QTMAN: variants seen among roughly 807,000 people sequenced by gnomAD.
The protein encoded by QTMAN is tRNA-queuosine alpha-mannosyltransferase.
chr2:144,305,411 A>G, the QTMAN span, among the ~76,000 whole-genome samples: 1 of 152,228 alleles, frequency 6.6e-6, no homozygotes, highest in Non-Finnish European at 1.5e-5. Context: ...ATTGAACATA[A>G]AAGTCAGGGT....
At chr2:144,292,655 T>C in the QTMAN span, among the ~76,000 whole-genome samples, 1 of 152,122 alleles carries the variant, frequency 6.6e-6, no homozygotes. Flanking sequence ...TCCCAAAAAA[T>C]TTATAGAGTC....
chr2:144,040,272 T>A, the QTMAN span, among the ~76,000 whole-genome samples: 4 of 152,130 alleles, frequency 2.6e-5, no homozygotes, highest in Admixed American at 2.6e-4. Context: ...ACGCTTAGCA[T>A]ACAACAAAAC....
At chr2:144,104,566 G>A in the QTMAN span, among the ~76,000 whole-genome samples, 158 of 152,278 alleles carry the variant, frequency 1.0e-3, no homozygotes, top group Non-Finnish European at 1.9e-3. Context: ...GGGGAGGGGC[G>A]CCCACAATTG....
At chr2:144,293,713 C>A in the QTMAN span, among the ~76,000 whole-genome samples, 1 of 152,172 alleles carries the variant, frequency 6.6e-6, no homozygotes. Context: ...CTAATTATCT[C>A]ATATTTTAAA....
chr2:144,271,893 G>A, the QTMAN span, among the ~76,000 whole-genome samples: 1 of 152,184 alleles, frequency 6.6e-6, no homozygotes, highest in Non-Finnish European at 1.5e-5. Flanking sequence ...TGAAAGAGAA[G>A]TCTAAAAAAC....
the QTMAN span, chr2:144,319,943 T>C: frequency 6.6e-6 from 1 of 152,362 alleles, no homozygotes; most frequent in Non-Finnish European, 1.5e-5. Flanking sequence ...GCTTTCAGCA[T>C]CATGACTGAT....
chr2:144,094,413 T>C, the QTMAN span, among the ~76,000 whole-genome samples: 1 of 152,228 alleles, frequency 6.6e-6, no homozygotes, highest in Non-Finnish European at 1.5e-5. Context: ...GTTCTCATAC[T>C]GCTACGAAGA....
chr2:144,230,059 T>A, the QTMAN span, among the ~76,000 whole-genome samples: 1 of 152,182 alleles, frequency 6.6e-6, no homozygotes, highest in African/African-American at 2.4e-5. Flanking sequence ...GTTTATAATA[T>A]CATCTCAACT....
At chr2:144,084,882 T>G in the QTMAN span, among the ~76,000 whole-genome samples, 4 of 152,240 alleles carry the variant, frequency 2.6e-5, no homozygotes, top group East Asian at 7.7e-4. Flanking sequence ...AAAACTTTAG[T>G]GTGCATTAAA....
At chr2:144,104,480 G>A in the QTMAN span, among the ~76,000 whole-genome samples, 251 of 152,260 alleles carry the variant, frequency 1.6e-3, no homozygotes, top group African/African-American at 5.8e-3. Flanking sequence ...TGGCTTGGAG[G>A]GTCCCACGCT....
the QTMAN span, among the ~76,000 whole-genome samples, chr2:144,292,299 G>A: frequency 1.2e-4 from 18 of 152,198 alleles, no homozygotes; most frequent in African/African-American, 3.9e-4. Context: ...AATCATACAA[G>A]GCATTTAAGA....
At chr2:143,991,944 T>G in the QTMAN span, among the ~76,000 whole-genome samples, 48 of 135,280 alleles carry the variant, frequency 3.5e-4, no homozygotes, top group Non-Finnish European at 5.4e-4. Flanking sequence ...CAGCCACCTC[T>G]TCCGGGAGGT....
At chr2:144,145,983 TAAAAAAAAAAAAAA>T in the QTMAN span, 197 of 19,480 alleles carry the variant, frequency 0.01, 5 homozygotes, top group African/African-American at 0.018. Flanking sequence ...TGAGAAATGT[TAAAAAAAAAAAAAA>T]AAAAAAAAAA....
the QTMAN span, among the ~76,000 whole-genome samples, chr2:144,304,218 A>C: frequency 1.3e-5 from 2 of 152,188 alleles, no homozygotes; most frequent in Non-Finnish European, 2.9e-5. Flanking sequence ...GAAGAATCAC[A>C]CCTTAGAAAT....
chr2:143,984,342 T>C, the QTMAN span, among the ~76,000 whole-genome samples: 5 of 152,132 alleles, frequency 3.3e-5, no homozygotes, highest in African/African-American at 1.2e-4. Flanking sequence ...AACAAATAGA[T>C]GTGCAGGTGG....
chr2:144,076,118 G>A, the QTMAN span, among the ~76,000 whole-genome samples: 335 of 152,190 alleles, frequency 2.2e-3, 1 homozygote, highest in African/African-American at 7.6e-3. Flanking sequence ...GTGGTGGCGC[G>A]TGCCTGTAGT....
chr2:144,246,713 C>T, the QTMAN span, among the ~76,000 whole-genome samples: 1 of 151,984 alleles, frequency 6.6e-6, no homozygotes, highest in African/African-American at 2.4e-5. Flanking sequence ...ACATAGATGC[C>T]TTCATTCTCT....
the QTMAN span, among the ~76,000 whole-genome samples, chr2:144,190,436 A>G: frequency 6.6e-6 from 1 of 152,202 alleles, no homozygotes. Flanking sequence ...TGTGAATAAG[A>G]ATTTATTTAT....
At chr2:144,035,943 C>G in the QTMAN span, among the ~76,000 whole-genome samples, 1 of 152,138 alleles carries the variant, frequency 6.6e-6, no homozygotes, top group Admixed American at 6.5e-5. Context: ...AATCACCTAT[C>G]CCTTCCTTAT....
Sources: gnomAD v4.1 joint callset for allele counts (sites outside exome capture counted in the v4.1 genomes callset) on GRCh38, gnomAD v4.1.1 for gene constraint, MANE v1.5 for transcripts, NCBI Gene and HGNC (gene_info 2026-07-23, HGNC 2026-07-21) for gene names.